Variants in NPSR1 observed in about 807,000 individuals in gnomAD.
NPSR1 encodes the protein neuropeptide S receptor 1, also known as neuropeptide S receptor.
In NPSR1, 48 loss-of-function variants were observed where a neutral mutation model predicts 46.9. The ratio of observed to expected loss-of-function variants is 1.02; its 90% CI spans 0.81 to 1.30. NPSR1 has a LOEUF of 1.30. Ranked by LOEUF, NPSR1 falls within the 50% of genes most tolerant of loss-of-function variation. NPSR1 has a pLI of 0.00. For missense variants in NPSR1, 450 were observed against 449.5 expected (o/e 1.00, Z -0.01); for synonymous variants, 176 against 168.1 (o/e 1.05, Z -0.36).
chr7:34,704,268 A>T (rs1282927723), intron 2 of NPSR1: 1 of 152,168 alleles, frequency 6.6e-6, no homozygotes, highest in East Asian at 1.9e-4. Flanking sequence ...TTGAAGACTG[A>T]ATTTTTTCTG....
intron 2 of NPSR1, among the ~76,000 whole-genome samples, chr7:34,727,189 TG>T (rs929086454): frequency 2.0e-5 from 3 of 152,120 alleles, no homozygotes; most frequent in African/African-American, 4.8e-5. Flanking sequence ...AAAAATAAGG[TG>T]TTTTTTTTAA....
rs76658599 is a variant in NPSR1, at chr7:34,834,584, C to G, written c.757+124C>G. The G allele has an allele frequency of 7.5e-4, 548 of 731,180 alleles. 4 individuals carry two copies. The African/African-American group carries it at 8.3e-3, about 11-fold the overall frequency. The allele number at this position is 731,180 out of a possible 1,614,324, so 45.3% of individuals were successfully genotyped here. Reference sequence around the variant, plus strand: ...ATACAGGATCATATCAGGACCCAGCCGGCAGACCAGACCCACCAAAGGCTG... The same window carrying G: ...ATACAGGATCATATCAGGACCCAGCGGGCAGACCAGACCCACCAAAGGCTG... On this transcript the variant is annotated intron_variant, in intron 6 of 8. Transcript: ENST00000360581.
At chr7:34,663,107 G>A (rs1018677356) in intron 1 of NPSR1, among the ~76,000 whole-genome samples, 2 of 147,336 alleles carry the variant, frequency 1.4e-5, no homozygotes, top group African/African-American at 2.6e-5. Context: ...GGGGGGAGTG[G>A]GGGTAGAGGA....
downstream of NPSR1, among the ~76,000 whole-genome samples, chr7:34,854,207 T>A (rs192636648): frequency 8.0e-4 from 122 of 152,172 alleles, no homozygotes; most frequent in Non-Finnish European, 1.7e-3. Context: ...GAGTGATAAG[T>A]CACTCAAACA....
At chr7:34,842,991 C>T (rs769110803) in intron 6 of NPSR1, among the ~76,000 whole-genome samples, 2 of 152,180 alleles carry the variant, frequency 1.3e-5, no homozygotes, top group Non-Finnish European at 2.9e-5. Flanking sequence ...TGAGGATGTT[C>T]ACTCTCTGCC....
At chr7:34,741,208 T>C (rs1252318377) in intron 2 of NPSR1, among the ~76,000 whole-genome samples, 1 of 152,240 alleles carries the variant, frequency 6.6e-6, no homozygotes, top group Non-Finnish European at 1.5e-5. Flanking sequence ...GCTTTTTGCA[T>C]GTGTAGATTT....
At chr7:34,869,498 T>C (rs867577174) in intron 8 of NPSR1, among the ~76,000 whole-genome samples, 73 of 151,796 alleles carry the variant, frequency 4.8e-4, no homozygotes, top group African/African-American at 1.3e-3. Flanking sequence ...CACCTCACTG[T>C]ACTCCTCCAC....
intron 4 of NPSR1, among the ~76,000 whole-genome samples, chr7:34,821,525 A>T (rs1789561611): frequency 6.6e-6 from 1 of 152,184 alleles, no homozygotes. Context: ...AAGTATTTTA[A>T]GGTGAAGAAA....
At chr7:34,861,826 G>A (rs1791198340) in intron 8 of NPSR1, among the ~76,000 whole-genome samples, 1 of 151,822 alleles carries the variant, frequency 6.6e-6, no homozygotes, top group Admixed American at 6.5e-5. Context: ...AGGGCAAATA[G>A]GAATTGGGAA....
chr7:34,794,644 C>T (rs907518297), intron 3 of NPSR1, among the ~76,000 whole-genome samples: 8 of 152,182 alleles, frequency 5.3e-5, no homozygotes, highest in African/African-American at 1.9e-4. Flanking sequence ...TCTACAGTTG[C>T]ATTGAAAATA....
intron 1 of NPSR1, among the ~76,000 whole-genome samples, chr7:34,669,004 T>A (rs1325141041): frequency 2.0e-5 from 3 of 152,112 alleles, no homozygotes; most frequent in Non-Finnish European, 4.4e-5. Flanking sequence ...AGAAGAAAAG[T>A]GAGGCTCTGA....
chr7:34,736,216 C>T (rs1784656876), intron 2 of NPSR1, among the ~76,000 whole-genome samples: 1 of 152,156 alleles, frequency 6.6e-6, no homozygotes, highest in Non-Finnish European at 1.5e-5. Flanking sequence ...TCCCTCCTCC[C>T]TGAAACAACC....
At chr7:34,698,264 T>C (rs1187236050) in intron 2 of NPSR1, among the ~76,000 whole-genome samples, 1 of 152,216 alleles carries the variant, frequency 6.6e-6, no homozygotes, top group Non-Finnish European at 1.5e-5. Context: ...GTTCCTCTTG[T>C]AATAATTCAC....
intron 2 of NPSR1, among the ~76,000 whole-genome samples, chr7:34,768,128 T>C (rs982247037): frequency 3.3e-5 from 5 of 152,256 alleles, no homozygotes; most frequent in Admixed American, 3.3e-4. Context: ...ACTTATTTTG[T>C]CATTTTAAAA....
At chr7:34,663,067 C>CTCTCTCTCTCTCTCTGTGTGTGTGTGTG (rs35826710) in intron 1 of NPSR1, among the ~76,000 whole-genome samples, 20 of 99,414 alleles carry the variant, frequency 2.0e-4, no homozygotes, top group African/African-American at 7.4e-4. Flanking sequence ...CTCTCTCTCT[C>CTCTCTCTCTCTCTCTGTGTGTGTGTGTG]TGTGTGTGTG....
At chr7:34,674,964 T>G (rs2128677138) in intron 1 of NPSR1, among the ~76,000 whole-genome samples, 1 of 152,314 alleles carries the variant, frequency 6.6e-6, no homozygotes, top group African/African-American at 2.4e-5. Flanking sequence ...ATGAGGCAAC[T>G]TTCACTATCT....
chr7:34,857,253 G>C (rs1347977685), intron 8 of NPSR1, among the ~76,000 whole-genome samples: 1 of 151,664 alleles, frequency 6.6e-6, no homozygotes, highest in Admixed American at 6.6e-5. Context: ...GTAGAACTTG[G>C]TAAGTTGTCT....
At chr7:34,836,431 A>G (rs956363053) in intron 6 of NPSR1, among the ~76,000 whole-genome samples, 7 of 152,208 alleles carry the variant, frequency 4.6e-5, no homozygotes, top group Non-Finnish European at 1.0e-4. Context: ...TTAGAATGTG[A>G]TGAAGTATTT....
chr7:34,795,572 A>G (rs1187492112), intron 3 of NPSR1, among the ~76,000 whole-genome samples: 1 of 152,168 alleles, frequency 6.6e-6, no homozygotes, highest in Non-Finnish European at 1.5e-5. Flanking sequence ...ATTACAGAAT[A>G]TGTTAATATA....
Sources: gnomAD v4.1 joint callset for allele counts (sites outside exome capture counted in the v4.1 genomes callset) on GRCh38, gnomAD v4.1.1 for gene constraint, MANE v1.5 for transcripts, NCBI Gene and HGNC (gene_info 2026-07-23, HGNC 2026-07-21) for gene names.